The following POLA2 variants were observed in gnomAD, a reference collection of about 807,000 sequenced individuals.
POLA2 encodes DNA polymerase alpha 2, accessory subunit.
In POLA2, 47 loss-of-function variants were observed where a neutral mutation model predicts 82.8. The observed-to-expected ratio is 0.57, with a 90% CI of 0.45 to 0.72. The LOEUF is 0.72. POLA2 is among the 30% of genes least tolerant of loss of function. The pLI, the probability that POLA2 is intolerant of heterozygous loss-of-function variation, is 0.00. For synonymous variants in POLA2, 287 were observed against 286.8 expected (o/e 1.00, Z -0.01); for missense variants, 634 against 728.1 (o/e 0.87, Z 1.49).
At chr11:65,292,273 G>C (rs1406258956) in intron 13 of POLA2, among the ~76,000 whole-genome samples, 1 of 152,192 alleles carries the variant, frequency 6.6e-6, no homozygotes, top group African/African-American at 2.4e-5. Context: ...GCACCTCAGA[G>C]AAAGCGAGCA....
At position 65,294,273 on chromosome 11, in the gene POLA2, C is replaced by A. The variant is rs1949786676; in HGVS notation, c.1353+12C>A. On this transcript the variant is annotated intron_variant, in intron 14 of 17. Coordinates refer to ENST00000265465, the MANE Select transcript of POLA2 (RefSeq NM_002689.4). ...GAGAGGACAAAAAGGTAGCAGCACC[C>A]ACTCCTTGACCAGCAGGCAGCCAGA... 6.9e-6 allele frequency: 11 copies of A among 1,598,110 alleles called. No individual in the cohort carries two copies. Among genetic ancestry groups the A allele is most frequent in the Non-Finnish European group, 9.4e-6 (11 of 1,165,356 alleles).
At chr11:65,288,862 G>C (rs1949725822) in intron 11 of POLA2, among the ~76,000 whole-genome samples, 188 bp from the exon 12 acceptor site, 1 of 152,308 alleles carries the variant, frequency 6.6e-6, no homozygotes, top group Admixed American at 6.5e-5. Context: ...GGGCAAACGT[G>C]TTTCTGCCTG....
intron 17 of POLA2, 80 bp from the exon 18 acceptor site, chr11:65,297,040 A>G (rs1255149121): frequency 2.0e-6 from 3 of 1,484,118 alleles, no homozygotes; most frequent in Admixed American, 1.8e-5. Context: ...GGGTCCAGCC[A>G]TGTGATGGCA....
chr11:65,267,501 G>A lies in POLA2; in HGVS notation c.229G>A (p.Ala77Thr). 6.2e-7 allele frequency: 1 copy of A among 1,611,356 alleles called. No individual in the cohort carries two copies. Among genetic ancestry groups the A allele is most frequent in the Non-Finnish European group, 8.5e-7 (1 of 1,178,784 alleles). ...HEFLSKRLSK[A>T]RHSTCKDSGH... ...GTTTCTGAGCAAAAGATTATCGAAA[G>A]CCAGGCATAGTACCTGCAAGGACAG... The change falls in exon 3 of 18, where the codon GCC (alanine) becomes ACC (threonine). Residue 77 changes from alanine to threonine, a missense_variant. Physicochemically the swap from Ala to Thr is moderately conservative, Grantham distance 58. Transcript: ENST00000265465.
At chr11:65,294,100 A>T in intron 13 of POLA2, 53 bp from the exon 14 acceptor site, 1 of 1,482,840 alleles carries the variant, frequency 6.7e-7, no homozygotes, top group Non-Finnish European at 9.4e-7. Flanking sequence ...AGCTGTTCTA[A>T]CTCAACTGCA....
intron 5 of POLA2, among the ~76,000 whole-genome samples, 197 bp downstream of exon 5, chr11:65,276,195 G>A (rs1045055325): frequency 6.6e-5 from 10 of 152,012 alleles, no homozygotes; most frequent in African/African-American, 1.7e-4. Context: ...TGTTTCTTAC[G>A]GTAATTAAGG....
downstream of POLA2, among the ~76,000 whole-genome samples, chr11:65,303,114 G>A (rs557376265): frequency 6.6e-5 from 10 of 152,054 alleles, no homozygotes; most frequent in African/African-American, 2.4e-4. Flanking sequence ...AGGCCGAGGC[G>A]GGTGGATCAT....
downstream of POLA2, among the ~76,000 whole-genome samples, chr11:65,302,700 G>T (rs1435032149): frequency 6.6e-6 from 1 of 151,926 alleles, no homozygotes; most frequent in Non-Finnish European, 1.5e-5. Context: ...AGAACGATTT[G>T]TCATGTCCAC....
intron 5 of POLA2, among the ~76,000 whole-genome samples, chr11:65,276,965 A>G (rs1184311476): frequency 1.3e-5 from 2 of 151,386 alleles, no homozygotes; most frequent in Admixed American, 1.3e-4. Context: ...TAATTTTTGT[A>G]TTTTTAGTAG....
At chr11:65,304,367 C>T (rs1482999676) in intron 8 of POLA2, among the ~76,000 whole-genome samples, 1 of 151,788 alleles carries the variant, frequency 6.6e-6, no homozygotes, top group East Asian at 1.9e-4. Flanking sequence ...ATCCACCCAC[C>T]CATGAACTTA....
chr11:65,305,435 G>T lies in POLA2; in HGVS notation c.720G>T (p.Arg240Ser), dbSNP rs1271769819. The T allele has an allele frequency of 8.8e-6, 4 of 455,880 alleles. 1 individual carries two copies. Among genetic ancestry groups the T allele is most frequent in the South Asian group, 6.2e-5 (4 of 64,516 alleles). 28.2% of individuals were successfully genotyped at this position (455,880 alleles called of 1,614,324 possible). The change falls in exon 9 of 9, where the codon AGG becomes AGT. Residue 240 changes from arginine to serine, a missense_variant. Arg to Ser is a moderately radical substitution (Grantham distance 110). Coordinates refer to the POLA2 transcript ENST00000525924. The stretch of plus-strand genomic sequence containing the variant: ...GAAACCAGGGGCTGGTGAGCCTGAG[G>T]AGAAACAGCCCTGTTGACTGTGTGG...
Position 65,297,249 on chromosome 11 carries a change from G to A in POLA2, c.1777G>A (p.Val593Met). Reference protein sequence around the residue: ...GAERQSPCIAVQVVRI With the variant: ...GAERQSPCIAMQVVRI ...AGAGAGGCAGAGCCCATGCATTGCT[G>A]TGCAGGTCGTCAGGATCTGAGGCTT... The change falls in exon 18 of 18, where the codon GTG (valine) becomes ATG (methionine). Residue 593 changes from valine (V) to methionine (M), a missense_variant. Transcript: ENST00000265465. The A allele has an allele frequency of 6.2e-7, 1 of 1,610,032 alleles. No individual in the cohort carries two copies.
chr11:65,292,838 A>G (rs1949769455), intron 13 of POLA2, among the ~76,000 whole-genome samples: 1 of 152,232 alleles, frequency 6.6e-6, no homozygotes. Flanking sequence ...AGCAAGAGAC[A>G]GAGATGGAAG....
chr11:65,284,926 C>T (rs749567885), intron 10 of POLA2, among the ~76,000 whole-genome samples: 3 of 152,160 alleles, frequency 2.0e-5, no homozygotes, highest in African/African-American at 7.2e-5. Flanking sequence ...GTAACAGTGG[C>T]CAGAGCCATT....
chr11:65,271,160 G>A lies in POLA2; in HGVS notation c.354+2431G>A, dbSNP rs530294386. On this transcript the variant is annotated intron_variant, in intron 4 of 17. Coordinates refer to ENST00000265465, the MANE Select transcript of POLA2 (RefSeq NM_002689.4). ...ATATACTTACTTTTTTGTTTTAGTC[G>A]GCCTTCCCTCCATTAGATGGAAGCT... is the stretch of plus-strand genomic sequence containing the variant. 1.1e-4 allele frequency among the ~76,000 whole-genome samples: 16 copies of A among 151,736 alleles called. No individual in the cohort carries two copies. The South Asian group carries it at 2.7e-3, about 26-fold the overall frequency.
chr11:65,265,416 C>T (rs891481086), intron 1 of POLA2, among the ~76,000 whole-genome samples: 2 of 152,134 alleles, frequency 1.3e-5, no homozygotes, highest in Non-Finnish European at 2.9e-5. Context: ...CGGCACTTGA[C>T]ACTGTTTGTC....
At position 65,289,825 on chromosome 11, in the gene POLA2, A is replaced by G. The variant is rs770163623; in HGVS notation, c.1197A>G (p.Glu399=). The G allele has an allele frequency of 5.6e-6, 9 of 1,611,592 alleles. No individual in the cohort carries two copies. Among genetic ancestry groups the G allele is most frequent in the African/African-American group, 1.3e-5 (1 of 74,898 alleles). ...VENCLLTSPF[E]DIFKQCLRTI... ...ATTGTCTACTGACAAGTCCATTTGAAGACATTTTCAAGCAGTGTCTACGAA... is the reference window on the plus strand; with the variant it reads ...ATTGTCTACTGACAAGTCCATTTGAGGACATTTTCAAGCAGTGTCTACGAA... The change falls in exon 13 of 18, where the codon GAA becomes GAG. Residue 399 remains glutamate (E), a synonymous_variant. Transcript: ENST00000265465.
At chr11:65,292,310 G>A (rs769441885) in intron 13 of POLA2, among the ~76,000 whole-genome samples, 2 of 152,228 alleles carry the variant, frequency 1.3e-5, no homozygotes, top group Non-Finnish European at 2.9e-5. Context: ...TCCTGTTTGC[G>A]GGAGCAGCTG....
At chr11:65,294,092 C>A in intron 13 of POLA2, 61 bp from the exon 14 acceptor site, 1 of 1,409,102 alleles carries the variant, frequency 7.1e-7, no homozygotes, top group Non-Finnish European at 1.0e-6. Context: ...TGTTGCGCAG[C>A]TGTTCTAACT....
Sources: allele counts gnomAD v4.1 joint callset (sites outside exome capture counted in the v4.1 genomes callset), GRCh38; gene constraint gnomAD v4.1.1; transcripts MANE v1.5; gene names NCBI Gene and HGNC (gene_info 2026-07-23, HGNC 2026-07-21).